The following RAB10 variants were observed in gnomAD, a reference collection of about 807,000 sequenced individuals.
RAB10 encodes the protein ras-related protein Rab-10.
Under a neutral mutation model 25.7 loss-of-function variants are expected in RAB10, and 5 were observed. The ratio of observed to expected loss-of-function variants is 0.19; its 90% CI spans 0.10 to 0.41. RAB10 has a LOEUF of 0.41. RAB10 is among the 10% of genes least tolerant of loss of function. The pLI is 1.00. For synonymous variants in RAB10, 89 were observed against 86.4 expected (o/e 1.03, Z -0.16); for missense variants, 103 against 245.8 (o/e 0.42, Z 3.89).
At position 26,136,075 on chromosome 2, in the gene RAB10, T is replaced by C. The variant is rs1015008855; in HGVS notation, c.*1054T>C. On this transcript the variant is annotated 3_prime_UTR_variant, in exon 6 of 6. Coordinates refer to ENST00000264710, the MANE Select transcript of RAB10 (RefSeq NM_016131.5). ...TCTTTGTTCCCTTCCTGTCTATCCA[T>C]TGAGTTTATGAAATGGAAGAGTTAA... 6.5e-6 allele frequency: 1 copy of C among 152,682 alleles called. No individual in the cohort carries two copies. The highest frequency in any genetic ancestry group is 6.5e-5 in the Admixed American group (1 of 15,290). 9.5% of individuals were successfully genotyped at this position (152,682 alleles called of 1,614,324 possible). A position where few individuals can be genotyped will look rare whatever the true frequency, so the allele number is the denominator to read the frequency against.
intron 1 of RAB10, among the ~76,000 whole-genome samples, chr2:26,040,244 T>G (rs1240974300): frequency 6.6e-6 from 1 of 152,202 alleles, no homozygotes; most frequent in Non-Finnish European, 1.5e-5. Context: ...CTCGAACTCC[T>G]GGGCTTAAGC....
intron 1 of RAB10, among the ~76,000 whole-genome samples, chr2:26,081,040 G>A (rs747201933): frequency 1.3e-5 from 2 of 152,226 alleles, no homozygotes; most frequent in Non-Finnish European, 1.5e-5. Context: ...TCATGGGGAC[G>A]GGTCTTTCCT....
At chr2:26,063,782 T>C (rs1273381414) in intron 1 of RAB10, among the ~76,000 whole-genome samples, 2 of 152,130 alleles carry the variant, frequency 1.3e-5, no homozygotes, top group African/African-American at 4.8e-5. Context: ...AATAGAATGT[T>C]TCACAATTTG....
chr2:26,100,247 A>G (rs1559593028), intron 2 of RAB10, among the ~76,000 whole-genome samples: 1 of 152,230 alleles, frequency 6.6e-6, no homozygotes, highest in Non-Finnish European at 1.5e-5. Flanking sequence ...GGACAATTAA[A>G]CATTGTACAT....
intron 1 of RAB10, among the ~76,000 whole-genome samples, chr2:26,043,626 C>T (rs1244392305): frequency 6.6e-6 from 1 of 152,148 alleles, no homozygotes; most frequent in Non-Finnish European, 1.5e-5. Context: ...CACATGGATA[C>T]GCCTTGAAAA....
At chr2:26,074,711 A>C (rs1448689706) in intron 1 of RAB10, among the ~76,000 whole-genome samples, 1 of 152,158 alleles carries the variant, frequency 6.6e-6, no homozygotes, top group Non-Finnish European at 1.5e-5. Context: ...GAGCCACTGC[A>C]CCTGGCCTTT....
At chr2:26,099,323 G>A (rs1667292349) in intron 2 of RAB10, among the ~76,000 whole-genome samples, 1 of 152,106 alleles carries the variant, frequency 6.6e-6, no homozygotes, top group African/African-American at 2.4e-5. Flanking sequence ...TATAGAATAA[G>A]TGCACATAAA....
intron 1 of RAB10, among the ~76,000 whole-genome samples, chr2:26,036,904 A>G (rs537297757): frequency 1.7e-4 from 26 of 152,008 alleles, no homozygotes; most frequent in African/African-American, 5.8e-4. Flanking sequence ...ATTCTGCCTC[A>G]GCTTCCTGAG....
intron 1 of RAB10, among the ~76,000 whole-genome samples, chr2:26,085,626 GAAAA>G (rs1293187794): frequency 2.6e-5 from 4 of 151,786 alleles, no homozygotes; most frequent in Non-Finnish European, 5.9e-5. Context: ...TCTAAAAAAA[GAAAA>G]GAAGTAAAAA....
At chr2:26,119,806 A>G (rs560374543) in intron 3 of RAB10, among the ~76,000 whole-genome samples, 4 of 152,350 alleles carry the variant, frequency 2.6e-5, no homozygotes, top group South Asian at 2.1e-4. Flanking sequence ...CACATGAGCC[A>G]CTGTGCCCAG....
chr2:26,110,294 C>T (rs941471567), intron 3 of RAB10, among the ~76,000 whole-genome samples: 50 of 148,676 alleles, frequency 3.4e-4, no homozygotes, highest in Non-Finnish European at 5.6e-4. Context: ...GCCAAGATTG[C>T]GCCACTGCAC....
rs369365387 is a variant in RAB10 at position 26,104,848 on chromosome 2, C to G, written c.189-4920C>G. On this transcript the variant is annotated intron_variant, in intron 2 of 5. Coordinates refer to ENST00000264710, the MANE Select transcript of RAB10 (RefSeq NM_016131.5). ...TGCCTCCTGGGTTCATGCCATTCTC[C>G]TGTCTCAGCCTCCTGAGTAGCTGGG... Among the ~76,000 whole-genome samples the G allele has an allele frequency of 5.9e-5, 9 of 151,936 alleles. No individual in the cohort carries two copies. In the South Asian group the frequency reaches 1.5e-3, roughly 25 times the overall value.
chr2:26,095,840 A>T (rs1291026430), intron 1 of RAB10, among the ~76,000 whole-genome samples: 1 of 152,208 alleles, frequency 6.6e-6, no homozygotes, highest in East Asian at 1.9e-4. Flanking sequence ...TGAGCCCAGG[A>T]GGTCGAGGCT....
chr2:26,083,843 C>G (rs1460297159), intron 1 of RAB10, among the ~76,000 whole-genome samples: 1 of 151,940 alleles, frequency 6.6e-6, no homozygotes. Context: ...CTGTGTTTAG[C>G]AGCAAACAAT....
intron 5 of RAB10, among the ~76,000 whole-genome samples, chr2:26,133,618 T>C (rs1371064949): frequency 1.3e-5 from 2 of 152,212 alleles, no homozygotes; most frequent in South Asian, 2.1e-4. Flanking sequence ...ATTTTTAATA[T>C]ATAAAAATGG....
chr2:26,095,084 G>T lies in RAB10; in HGVS notation c.128-3578G>T, dbSNP rs750665358. 3.3e-5 allele frequency among the ~76,000 whole-genome samples: 5 copies of T among 152,160 alleles called. No homozygotes were observed. In the East Asian group the frequency reaches 9.6e-4, roughly 29 times the overall value. The stretch of plus-strand genomic sequence containing the variant: ...TTTACGTTTGCTGTTAATAGCCAAG[G>T]ATCATTTTTTATGTATTCGGATTGT... On this transcript the variant is annotated intron_variant, in intron 1 of 5. Transcript: ENST00000264710.
At chr2:26,042,448 C>T (rs1665912799) in intron 1 of RAB10, among the ~76,000 whole-genome samples, 1 of 151,922 alleles carries the variant, frequency 6.6e-6, no homozygotes, top group African/African-American at 2.4e-5. Context: ...CCAGCCTGGG[C>T]AACTTAGCGA....
At chr2:26,076,936 A>G (rs1419309295) in intron 1 of RAB10, among the ~76,000 whole-genome samples, 2 of 149,302 alleles carry the variant, frequency 1.3e-5, no homozygotes, top group Non-Finnish European at 3.0e-5. Flanking sequence ...AAGAGCGAGG[A>G]AAAAAAAAGA....
chr2:26,078,658 G>A (rs917797302), intron 1 of RAB10, among the ~76,000 whole-genome samples: 8 of 152,070 alleles, frequency 5.3e-5, no homozygotes, highest in African/African-American at 1.7e-4. Flanking sequence ...GCCAGCTAGA[G>A]TTTCCACATA....
Sources: allele counts gnomAD v4.1 joint callset (sites outside exome capture counted in the v4.1 genomes callset), GRCh38; gene constraint gnomAD v4.1.1; transcripts MANE v1.5; gene names NCBI Gene and HGNC (gene_info 2026-07-23, HGNC 2026-07-21).